Variants in FARP1 observed in about 807,000 individuals in gnomAD.
FARP1 encodes FERM, ARHGEF and pleckstrin domain-containing protein 1.
A neutral mutation model predicts 128.8 loss-of-function variants in FARP1; 52 were observed. That is an observed-to-expected ratio of 0.40 (90% CI 0.32 to 0.51). The LOEUF is 0.51. Among genes scored for constraint, FARP1 ranks in the 20% least tolerant of loss-of-function variants. The pLI, the probability that FARP1 is intolerant of heterozygous loss-of-function variation, is 0.45. For missense variants in FARP1, 1,333 were observed against 1,367.9 expected, an observed-to-expected ratio of 0.97 and a Z score of 0.40; for synonymous variants, 580 against 551.8, an observed-to-expected ratio of 1.05 and a Z score of -0.72.
chr13:98,410,817 C>A lies in FARP1; in HGVS notation c.1686C>A (p.Ile562=). ...CATATCTGAAGGATCTCGAAGTTAT[C>A]ACTTCGGTATGTGCAGTATTTCCCC... The part of the protein sequence containing the change: ...ERTYLKDLEV[I]TSWFQSTVSK... The change falls in exon 15 of 27, where the codon ATC becomes ATA. Residue 562 remains isoleucine (I), a synonymous_variant. Transcript: ENST00000319562. The A allele has an allele frequency of 2.6e-6, 4 of 1,541,596 alleles. No homozygotes were observed. The highest frequency in any genetic ancestry group is 3.6e-6 in the Non-Finnish European group (4 of 1,117,632).
At chr13:98,181,639 TATTTGAGA>T (rs1444730993) in intron 1 of FARP1, among the ~76,000 whole-genome samples, 747 of 62,504 alleles carry the variant, frequency 0.012, 3 homozygotes, top group African/African-American at 0.025. Context: ...TTTATTTATT[TATTTGAGA>T]GAGAGAGAGA....
intron 2 of FARP1, among the ~76,000 whole-genome samples, chr13:98,246,002 C>T (rs576208757): frequency 1.3e-5 from 2 of 150,634 alleles, no homozygotes; most frequent in Non-Finnish European, 2.9e-5. Flanking sequence ...GTCTCGAATT[C>T]ATGAGCTCAG....
rs561493668 is a variant in FARP1, at chr13:98,248,457, AG to A, written c.171+35046del. 2.5e-4 allele frequency among the ~76,000 whole-genome samples: 38 copies of A among 152,314 alleles called. No individual in the cohort carries two copies. In the South Asian group the frequency reaches 7.9e-3, roughly 32 times the overall value. Reference sequence around the variant, plus strand: ...TCCTTTTATAGGATGGGATAGTGTCAGGAAACAAAATGTCTCATGTTTTAAG... The same window carrying A: ...TCCTTTTATAGGATGGGATAGTGTCAGAAACAAAATGTCTCATGTTTTAAG... On this transcript the variant is annotated intron_variant, in intron 2 of 26. Transcript: ENST00000319562.
At chr13:98,268,210 T>G (rs2139569015) in intron 2 of FARP1, among the ~76,000 whole-genome samples, 1 of 152,316 alleles carries the variant, frequency 6.6e-6, no homozygotes, top group East Asian at 1.9e-4. Context: ...CCTGCCCATT[T>G]GTTTTGGGGT....
At chr13:98,190,424 A>G (rs1319263042) in intron 1 of FARP1, among the ~76,000 whole-genome samples, 1 of 152,142 alleles carries the variant, frequency 6.6e-6, no homozygotes, top group East Asian at 1.9e-4. Flanking sequence ...TTAACTCTGT[A>G]TATGTTTATT....
intron 2 of FARP1, among the ~76,000 whole-genome samples, chr13:98,311,257 C>G (rs569054263): frequency 6.6e-6 from 1 of 152,206 alleles, no homozygotes; most frequent in Non-Finnish European, 1.5e-5. Context: ...AACTGAAGCC[C>G]AAAATGATCA....
chr13:98,426,708 C>T (rs948185515), intron 17 of FARP1, among the ~76,000 whole-genome samples: 2 of 151,982 alleles, frequency 1.3e-5, no homozygotes, highest in African/African-American at 4.8e-5. Context: ...TGAGGCAATA[C>T]CAGAGAGAGG....
chr13:98,221,188 G>T (rs1452371252), intron 2 of FARP1, among the ~76,000 whole-genome samples: 1 of 152,200 alleles, frequency 6.6e-6, no homozygotes, highest in Non-Finnish European at 1.5e-5. Context: ...ACCTTGCAGA[G>T]AACACAGATT....
chr13:98,250,302 A>G (rs77059152), intron 2 of FARP1, among the ~76,000 whole-genome samples: 1,580 of 152,360 alleles, frequency 0.01, 3 homozygotes, highest in South Asian at 0.028. Flanking sequence ...GAAAGGTACA[A>G]TAATGCCAGT....
intron 2 of FARP1, among the ~76,000 whole-genome samples, chr13:98,225,769 T>A (rs1482331007): frequency 2.6e-5 from 4 of 152,240 alleles, no homozygotes; most frequent in African/African-American, 9.6e-5. Flanking sequence ...TTGCCTTGCT[T>A]AGCTTCCAAA....
At chr13:98,216,296 C>T (rs1881059130) in intron 2 of FARP1, among the ~76,000 whole-genome samples, 1 of 152,168 alleles carries the variant, frequency 6.6e-6, no homozygotes, top group Admixed American at 6.5e-5. Flanking sequence ...GCCCAGTCAT[C>T]AGGGATTGGG....
chr13:98,402,231 G>A (rs1890807001), intron 13 of FARP1: 1 of 152,346 alleles, frequency 6.6e-6, no homozygotes. Flanking sequence ...GTGAGGAGTA[G>A]TTAGAAATCA....
chr13:98,210,610 C>T (rs1230742948), intron 1 of FARP1, among the ~76,000 whole-genome samples: 1 of 150,366 alleles, frequency 6.7e-6, no homozygotes, highest in Admixed American at 6.7e-5. Flanking sequence ...AGTGCGGTGG[C>T]GCGATCTTGG....
In FARP1 at chr13:98,452,895, G is replaced by A; in HGVS notation, c.*4578G>A. On this transcript the variant is annotated 3_prime_UTR_variant, in exon 27 of 27. Transcript: ENST00000319562. The stretch of plus-strand genomic sequence containing the variant: ...TTTTTGTTTTTAAAGACACTTTCCT[G>A]GAATATGTGCACTATGGTTAAAATT... The A allele has an allele frequency of 5.8e-6, 2 of 347,772 alleles. No individual in the cohort carries two copies. The highest frequency in any genetic ancestry group is 1.0e-5 in the Non-Finnish European group (2 of 193,986). The allele number at this position is 347,772 out of a possible 1,614,324, so 21.5% of individuals were successfully genotyped here.
At chr13:98,150,626 A>G (rs1875928962) in intron 1 of FARP1, among the ~76,000 whole-genome samples, 1 of 152,180 alleles carries the variant, frequency 6.6e-6, no homozygotes, top group Non-Finnish European at 1.5e-5. Context: ...CAGTGTTGGA[A>G]GAATAGCACA....
chr13:98,331,462 G>T (rs1490757274), intron 2 of FARP1, among the ~76,000 whole-genome samples: 1 of 152,146 alleles, frequency 6.6e-6, no homozygotes, highest in Non-Finnish European at 1.5e-5. Flanking sequence ...CTGCTCATCA[G>T]AAGATAGTGA....
At chr13:98,241,706 A>C (rs1882782342) in intron 2 of FARP1, among the ~76,000 whole-genome samples, 1 of 152,120 alleles carries the variant, frequency 6.6e-6, no homozygotes, top group Non-Finnish European at 1.5e-5. Flanking sequence ...ACCTGAGGTC[A>C]TCAGGGGTTC....
intron 17 of FARP1, 73 bp from the exon 18 acceptor site, chr13:98,430,970 A>G: frequency 1.1e-6 from 1 of 921,196 alleles, no homozygotes; most frequent in Non-Finnish European, 1.7e-6. Context: ...TCATTTCCCC[A>G]AGTGAAACTG....
At position 98,265,311 on chromosome 13, in the gene FARP1, A is replaced by ATTTTTTT. The variant is rs60809416; in HGVS notation, c.171+51918_171+51924dup. Among the ~76,000 whole-genome samples, 48 of 60,264 alleles carry ATTTTTTT rather than the reference A, an allele frequency of 8.0e-4. 6 individuals carry two copies. The highest frequency in any genetic ancestry group is 3.2e-3 in the African/African-American group (41 of 12,744). 39.5% of individuals were successfully genotyped at this position (60,264 alleles called of 152,430 possible). A position where few individuals can be genotyped will look rare whatever the true frequency, so the allele number is the denominator to read the frequency against. Reference sequence around the variant, plus strand: ...ACCCACCCACACCCCTCCTTCCTGAATTTTTTTTTTTTTTTTTTTTTTTTT... The same window carrying ATTTTTTT: ...ACCCACCCACACCCCTCCTTCCTGAATTTTTTTTTTTTTTTTTTTTTTTTTTTTTTTT... On this transcript the variant is annotated intron_variant, in intron 2 of 26. Coordinates refer to ENST00000319562, the MANE Select transcript of FARP1 (RefSeq NM_005766.4).
Sources: allele counts gnomAD v4.1 joint callset (sites outside exome capture counted in the v4.1 genomes callset), GRCh38; gene constraint gnomAD v4.1.1; transcripts MANE v1.5; gene names NCBI Gene and HGNC (gene_info 2026-07-23, HGNC 2026-07-21).